Variants in E2F8 observed in about 807,000 individuals in gnomAD.
The protein encoded by E2F8 is transcription factor E2F8.
E2F8 carries 35 observed loss-of-function variants against 80.8 expected under a neutral mutation model. The ratio of observed to expected loss-of-function variants is 0.43; its 90% CI spans 0.33 to 0.57. The LOEUF (loss-of-function observed/expected upper bound fraction) is 0.57. Ranked by LOEUF, E2F8 falls within the 20% of genes least tolerant of loss-of-function variation. The pLI, the probability that E2F8 is intolerant of heterozygous loss-of-function variation, is 0.04. For synonymous variants in E2F8, 386 were observed against 395.0 expected (o/e 0.98, Z 0.27); for missense variants, 975 against 1,056.2 (o/e 0.92, Z 1.07).
In E2F8 at chr11:19,235,662, C is replaced by CAA. The variant is rs1160661782; in HGVS notation, c.452-606_452-605dup. On this transcript the variant is annotated intron_variant, in intron 4 of 12. Transcript: ENST00000250024. Reference sequence around the variant, plus strand: ...AGACTCCGTCTCAAAAACAAACAAACAAACAAAAAAAAAAAACGATGAGAA... The same window carrying CAA: ...AGACTCCGTCTCAAAAACAAACAAACAAAAACAAAAAAAAAAAACGATGAGAA... 6.3e-3 allele frequency among the ~76,000 whole-genome samples: 483 copies of CAA among 76,272 alleles called. 2 individuals are homozygous for CAA. Among genetic ancestry groups the CAA allele is most frequent in the African/African-American group, 0.027 (456 of 17,190 alleles). 50.0% of individuals were successfully genotyped at this position (76,272 alleles called of 152,430 possible). A position where few individuals can be genotyped will look rare whatever the true frequency, so the allele number is the denominator to read the frequency against.
At position 19,224,634 on chromosome 11, in the gene E2F8, TTAAAC is replaced by T. The variant is rs752344040; in HGVS notation, c.*19_*23del. ...CTCTATTAAACAACTCTTTAGAAAA[TTAAAC>T]TAAGCCAACATCTGTTGATTAATGG... On this transcript the variant is annotated 3_prime_UTR_variant, in exon 13 of 13. Coordinates refer to ENST00000250024, the MANE Select transcript of E2F8 (RefSeq NM_024680.4). 1.2e-6 allele frequency: 2 copies of T among 1,608,688 alleles called. No homozygotes were observed. Among genetic ancestry groups the T allele is most frequent in the South Asian group, 2.2e-5 (2 of 90,696 alleles).
chr11:19,229,972 C>T lies in E2F8; in HGVS notation c.1375G>A (p.Val459Met), dbSNP rs201330589. 1.0e-4 allele frequency: 168 copies of T among 1,613,716 alleles called. No homozygotes were observed. Among genetic ancestry groups the T allele is most frequent in the Non-Finnish European group, 1.3e-4 (155 of 1,179,920 alleles). Residue 459 changes from valine (V) to methionine (M), a missense_variant, in exon 10 of 13, where the codon GTG becomes ATG. By Grantham distance (21) the Val-to-Met change is conservative. Coordinates refer to ENST00000250024, the MANE Select transcript of E2F8 (RefSeq NM_024680.4). This position sits in a 1 kb window ranked among gnomAD's most constrained non-coding sequence, Gnocchi z 4.3. ...CCAGATCTTGCCAGCTGTACTTTCA[C>T]TTTCTGTCTGGATTCACTGAAAGAC... ...EEQSSESRQK[V>M]KVQLARSGPC...
chr11:19,224,889 A>G, intron 12 of E2F8, 49 bp from the exon 13 acceptor site: 7 of 1,597,480 alleles, frequency 4.4e-6, no homozygotes, highest in Non-Finnish European at 6.0e-6. Context: ...ACACACAGGT[A>G]CATAGTCTTA....
Position 19,230,622 on chromosome 11 carries a change from A to G in E2F8, c.1270+9T>C. 6.2e-7 allele frequency: 1 copy of G among 1,613,332 alleles called. No individual in the cohort carries two copies. The highest frequency in any genetic ancestry group is 1.3e-5 in the African/African-American group (1 of 74,998). ...TCCTAGCAGATCCCTGACATTCCTG[A>G]AAACATACCTTTGTTGGTCTTGATA... On this transcript the variant is annotated intron_variant, in intron 8 of 12. Transcript: ENST00000250024.
At chr11:19,224,975 G>T in intron 12 of E2F8, 135 bp from the exon 13 acceptor site, 2 of 1,205,820 alleles carry the variant, frequency 1.7e-6, no homozygotes, top group Non-Finnish European at 2.3e-6. Context: ...GGCGAGGGAA[G>T]CTTTGGTGAG....
chr11:19,229,645 T>G lies in E2F8; in HGVS notation c.1702A>C (p.Asn568His). The G allele has an allele frequency of 1.2e-6, 2 of 1,614,184 alleles. No homozygotes were observed. The highest frequency in any genetic ancestry group is 2.2e-5 in the South Asian group (2 of 91,080). Reference protein sequence around the residue: ...STDATTEKAANDTSKASASTR... With the variant: ...STDATTEKAAHDTSKASASTR... ...GAGGCACTGGCCTTTGAGGTATCAT[T>G]GGCTGCCTTCTCAGTGGTGGCATCT... is the stretch of plus-strand genomic sequence containing the variant. Residue 568 changes from asparagine to histidine, a missense_variant, in exon 10 of 13, where the codon AAT (asparagine) becomes CAT (histidine). Asn to His is a moderately conservative substitution (Grantham distance 68, BLOSUM62 1). Transcript: ENST00000250024. This position sits in a 1 kb window ranked among gnomAD's most constrained non-coding sequence, Gnocchi z 4.3.
At chr11:19,230,545 C>T (rs898522012) in intron 8 of E2F8, 86 bp downstream of exon 8, 2 of 1,431,514 alleles carry the variant, frequency 1.4e-6, no homozygotes, top group Non-Finnish European at 1.9e-6. Flanking sequence ...AATTCTCTGA[C>T]AACTATTGCA....
rs1474031044 is a variant in E2F8, at chr11:19,224,849, A to G, written c.2422-9T>C. The G allele has an allele frequency of 1.2e-6, 2 of 1,614,032 alleles. No homozygotes were observed. Among genetic ancestry groups the G allele is most frequent in the South Asian group, 2.2e-5 (2 of 91,068 alleles). ...GGTGTCACAGGAACAGGCTGATTGG[A>G]AAGAGAAGAATGGACAAAAGAAGTC... On this transcript the variant is annotated splice_polypyrimidine_tract_variant and intron_variant, in intron 12 of 12. Coordinates refer to ENST00000250024, the MANE Select transcript of E2F8 (RefSeq NM_024680.4).
chr11:19,225,677 G>A, intron 11 of E2F8, 55 bp downstream of exon 11: 2 of 1,611,492 alleles, frequency 1.2e-6, no homozygotes, highest in Middle Eastern at 3.3e-4. Flanking sequence ...AGTTGACAAG[G>A]CTTAAGTGAA....
intron 10 of E2F8, among the ~76,000 whole-genome samples, chr11:19,228,794 G>C (rs182744437): frequency 6.6e-6 from 1 of 152,258 alleles, no homozygotes; most frequent in East Asian, 1.9e-4. Flanking sequence ...ATGTAAAAGT[G>C]ACTAATATCT....
At position 19,224,810 on chromosome 11, in the gene E2F8, A is replaced by AT; in HGVS notation, c.2451dup (p.Leu818IlefsTer25). ...GTACGGAAGAAACTTTCGGCCACTA[A>AT]TTGTGACCCTTTGGGTGTCACAGGA... is the stretch of plus-strand genomic sequence containing the variant. On this transcript the variant is annotated frameshift_variant, in exon 13 of 13. Transcript: ENST00000250024. LOFTEE classifies it high-confidence loss of function. 2 of 1,614,188 alleles carry AT rather than the reference A, an allele frequency of 1.2e-6. No individual in the cohort carries two copies. Among genetic ancestry groups the AT allele is most frequent in the Non-Finnish European group, 1.7e-6 (2 of 1,180,034 alleles).
Position 19,232,278 on chromosome 11 carries a change from G to A in E2F8, c.1022C>T (p.Pro341Leu), listed in dbSNP as rs776890195. The change falls in exon 7 of 13, where the codon CCA becomes CTA. Residue 341 changes from proline to leucine, a missense_variant. Transcript: ENST00000250024. ...VHVTEERGRK[P>L]AFKWTGPEIS... ...TTCTGGGCCGGTCCATTTGAAAGCT[G>A]GTTTTCGGCCTCTTTCCTCTGTAAC... 11 of 1,614,142 alleles carry A rather than the reference G, an allele frequency of 6.8e-6. No homozygotes were observed. Among genetic ancestry groups the A allele is most frequent in the Non-Finnish European group, 9.3e-6 (11 of 1,180,018 alleles).
rs1039367804 is a variant in E2F8 at position 19,240,577 on chromosome 11, C to A, written c.-139G>T. 6.6e-6 allele frequency: 1 copy of A among 152,552 alleles called. No homozygotes were observed. The highest frequency in any genetic ancestry group is 1.5e-5 in the Non-Finnish European group (1 of 68,360). The allele number at this position is 152,552 out of a possible 1,614,324, so 9.4% of individuals were successfully genotyped here. ...TCGCAGATCAGGGCTCCGGACTAAG[C>A]GCACGAGCCCAGGTCCCAGCTGAGC... On this transcript the variant is annotated 5_prime_UTR_variant, in exon 1 of 13. Coordinates refer to ENST00000250024, the MANE Select transcript of E2F8 (RefSeq NM_024680.4).
At chr11:19,225,158 T>G in intron 12 of E2F8, 63 bp downstream of exon 12, 1 of 1,556,964 alleles carries the variant, frequency 6.4e-7, no homozygotes, top group East Asian at 2.2e-5. Context: ...CAATCTCTTA[T>G]GACACAGATA....
At chr11:19,241,315 G>A (rs1381610757), upstream of E2F8, 1 of 155,672 alleles carries the variant, frequency 6.4e-6, no homozygotes, top group African/African-American at 2.4e-5. This position sits in a 1 kb window ranked among gnomAD's most constrained non-coding sequence, Gnocchi z 4.5. Context: ...CGGGAGGCGG[G>A]AAACGGCCGC....
At position 19,230,292 on chromosome 11, in the gene E2F8, T is replaced by G; in HGVS notation, c.1307A>C (p.Lys436Thr). Residue 436 changes from lysine (K) to threonine (T), a missense_variant, in exon 9 of 13, where the codon AAA (lysine) becomes ACA (threonine). Physicochemically the swap from Lys to Thr is moderately conservative, Grantham distance 78 (BLOSUM62 -1). Coordinates refer to ENST00000250024, the MANE Select transcript of E2F8 (RefSeq NM_024680.4). ...SSQNSAPFPS[K>T]MAQLAAICKM... The stretch of plus-strand genomic sequence containing the variant: ...ACAAATAGCTGCGAGCTGAGCCATT[T>G]TACTTGGGAAGGGTGCAGAATTCTG... 1.9e-6 allele frequency: 3 copies of G among 1,614,104 alleles called. No individual in the cohort carries two copies. Among genetic ancestry groups the G allele is most frequent in the Non-Finnish European group, 2.5e-6 (3 of 1,180,006 alleles).
At chr11:19,241,188 G>T (rs1225391696), upstream of E2F8, among the ~76,000 whole-genome samples, 3 of 152,186 alleles carry the variant, frequency 2.0e-5, no homozygotes, top group Non-Finnish European at 4.4e-5. The surrounding 1 kb of genome is among the most constrained non-coding windows in gnomAD (Gnocchi z 4.5). Context: ...TTAGCTGCGC[G>T]GGGCCTGAGC....
chr11:19,230,079 T>C, intron 9 of E2F8, 91 bp from the exon 10 acceptor site: 1 of 1,549,248 alleles, frequency 6.5e-7, no homozygotes, highest in Non-Finnish European at 8.8e-7. Flanking sequence ...AGCCACGCTT[T>C]TATGGAACAT....
intron 4 of E2F8, among the ~76,000 whole-genome samples, chr11:19,235,659 A>C (rs915046193): frequency 1.3e-5 from 1 of 76,920 alleles, no homozygotes; most frequent in African/African-American, 6.0e-5. Flanking sequence ...AAAAACAAAC[A>C]AACAAACAAA....
Sources: allele counts gnomAD v4.1 joint callset (sites outside exome capture counted in the v4.1 genomes callset), GRCh38; gene constraint gnomAD v4.1.1; non-coding constraint Gnocchi (gnomAD v3.1); transcripts MANE v1.5; gene names NCBI Gene and HGNC (gene_info 2026-07-23, HGNC 2026-07-21).